The following SOS1 variants were observed in gnomAD, a reference collection of about 807,000 sequenced individuals.
The protein encoded by SOS1 is SOS Ras/Rac guanine nucleotide exchange factor 1.
In SOS1, 25 loss-of-function variants were observed where a neutral mutation model predicts 157.6. That is an observed-to-expected ratio of 0.16 (90% CI 0.12 to 0.22). SOS1 has a LOEUF of 0.22. SOS1 is among the 10% of genes least tolerant of loss of function. SOS1 has a pLI of 1.00. For synonymous variants in SOS1, 528 were observed against 534.0 expected (o/e 0.99, Z 0.16); for missense variants, 1,237 against 1,599.1 (o/e 0.77, Z 3.86).
intron 1 of SOS1, among the ~76,000 whole-genome samples, chr2:39,082,030 A>G (rs1241242233): frequency 1.3e-5 from 2 of 152,164 alleles, no homozygotes; most frequent in African/African-American, 2.4e-5. Context: ...CCATTCCCTC[A>G]AGCATTTACC....
At chr2:39,016,453 G>T (rs1669633848) in intron 10 of SOS1, among the ~76,000 whole-genome samples, 1 of 152,064 alleles carries the variant, frequency 6.6e-6, no homozygotes, top group Non-Finnish European at 1.5e-5. Flanking sequence ...CAGAAGAAAA[G>T]ATATTAAAAC....
At chr2:39,037,463 T>G (rs146352624) in intron 6 of SOS1, among the ~76,000 whole-genome samples, 1 of 152,360 alleles carries the variant, frequency 6.6e-6, no homozygotes, top group Middle Eastern at 3.4e-3. Context: ...TTCTACTGTA[T>G]GAATATATCA....
chr2:39,067,168 G>A (rs889347709), intron 2 of SOS1, among the ~76,000 whole-genome samples: 5 of 151,984 alleles, frequency 3.3e-5, no homozygotes, highest in Admixed American at 3.3e-4. Context: ...ATGCCACCAT[G>A]CCTAGCTAGT....
At chr2:39,023,356 A>G in intron 9 of SOS1, 131 bp from the exon 10 acceptor site, 1 of 623,332 alleles carries the variant, frequency 1.6e-6, no homozygotes, top group Non-Finnish European at 2.6e-6. Context: ...CCCCAAATAG[A>G]TTAGAATTAC....
intron 1 of SOS1, among the ~76,000 whole-genome samples, chr2:39,102,904 G>A (rs1055044967): frequency 6.6e-6 from 1 of 152,070 alleles, no homozygotes; most frequent in African/African-American, 2.4e-5. Context: ...ACAGTTAGCT[G>A]TGATCACGCC....
intron 2 of SOS1, among the ~76,000 whole-genome samples, chr2:39,066,913 G>T (rs59480458): frequency 6.6e-6 from 1 of 152,114 alleles, no homozygotes; most frequent in Non-Finnish European, 1.5e-5. Context: ...CTATCATCAA[G>T]AAATTGTTCG....
At chr2:39,099,432 T>A (rs577409773) in intron 1 of SOS1, among the ~76,000 whole-genome samples, 1 of 152,324 alleles carries the variant, frequency 6.6e-6, no homozygotes, top group South Asian at 2.1e-4. Flanking sequence ...AATGGTTACC[T>A]GGGGCTGGAG....
rs1670327567 is a variant in SOS1 at position 39,035,949 on chromosome 2, C to A, written c.865-449G>T. Among the ~76,000 whole-genome samples, 3 of 152,136 alleles carry A rather than the reference C, an allele frequency of 2.0e-5. No individual in the cohort carries two copies. In the South Asian group the frequency reaches 6.2e-4, roughly 32 times the overall value. On this transcript the variant is annotated intron_variant, in intron 6 of 22. Transcript: ENST00000402219. Reference sequence around the variant, plus strand: ...TTCGTATTCTATAAACCAGAAGTAACAGTTCATGTCATCTAAAATTCATTG... The same window carrying A: ...TTCGTATTCTATAAACCAGAAGTAAAAGTTCATGTCATCTAAAATTCATTG...
chr2:39,077,932 TGAA>T (rs1572875866), intron 1 of SOS1, among the ~76,000 whole-genome samples: 1 of 152,130 alleles, frequency 6.6e-6, no homozygotes, highest in African/African-American at 2.4e-5. Flanking sequence ...AAGTATAAAA[TGAA>T]GAAAAATTCT....
At chr2:39,062,873 AG>A (rs1480091575) in intron 2 of SOS1, among the ~76,000 whole-genome samples, 2 of 152,192 alleles carry the variant, frequency 1.3e-5, no homozygotes, top group East Asian at 3.9e-4. Context: ...TTATTATAAA[AG>A]AGGGAAAGAA....
rs1364080304 is a variant in SOS1 at position 39,007,018 on chromosome 2, T to C, written c.2673+13A>G. ...AATGAAAGTTCATTTTAAAAACACA[T>C]GTAGAAACCTACCTCAAATGTGTGG... On this transcript the variant is annotated intron_variant, in intron 16 of 22. Transcript: ENST00000402219. 1 of 1,584,958 alleles carries C rather than the reference T, an allele frequency of 6.3e-7. No homozygotes were observed. The highest frequency in any genetic ancestry group is 8.7e-7 in the Non-Finnish European group (1 of 1,153,934).
At chr2:39,059,987 A>C (rs1164293099) in intron 2 of SOS1, among the ~76,000 whole-genome samples, 1 of 152,238 alleles carries the variant, frequency 6.6e-6, no homozygotes, top group African/African-American at 2.4e-5. Flanking sequence ...AGCCTCATGC[A>C]GTAAAACGCA....
At chr2:39,057,816 G>A (rs1362595155) in intron 3 of SOS1, among the ~76,000 whole-genome samples, 2 of 152,016 alleles carry the variant, frequency 1.3e-5, no homozygotes, top group Non-Finnish European at 2.9e-5. Context: ...AGAACTGAAT[G>A]CAAAATACAA....
At position 39,120,494 on chromosome 2, in the gene SOS1, G is replaced by C; in HGVS notation, c.-72C>G. ...GGGCCAGGGAGCCGCGAGAGGGCGAGCTCGCAGCGCGGAACAGGGCCGCGG... is the reference window on the plus strand; with the variant it reads ...GGGCCAGGGAGCCGCGAGAGGGCGACCTCGCAGCGCGGAACAGGGCCGCGG... On this transcript the variant is annotated 5_prime_UTR_variant, in exon 1 of 23. Coordinates refer to ENST00000402219, the MANE Select transcript of SOS1 (RefSeq NM_005633.4). The C allele has an allele frequency of 7.2e-7, 1 of 1,382,622 alleles. No homozygotes were observed. Among genetic ancestry groups the C allele is most frequent in the East Asian group, 3.2e-5 (1 of 31,422 alleles). 85.6% of individuals were successfully genotyped at this position (1,382,622 alleles called of 1,614,324 possible). A position where few individuals can be genotyped will look rare whatever the true frequency, so the allele number is the denominator to read the frequency against.
chr2:39,120,246 G>A (rs1426740993), intron 1 of SOS1, 90 bp downstream of exon 1: 20 of 1,144,464 alleles, frequency 1.7e-5, no homozygotes, highest in Non-Finnish European at 2.2e-5. Flanking sequence ...GAAGAAAGAC[G>A]GCCCTGCGCG....
At chr2:39,086,498 G>A (rs1261785547) in intron 1 of SOS1, among the ~76,000 whole-genome samples, 2 of 152,130 alleles carry the variant, frequency 1.3e-5, no homozygotes, top group African/African-American at 4.8e-5. Flanking sequence ...TAACATATTA[G>A]ATATTGGTAA....
intron 8 of SOS1, among the ~76,000 whole-genome samples, chr2:39,034,223 G>T (rs956546179): frequency 3.3e-5 from 5 of 152,172 alleles, no homozygotes; most frequent in Non-Finnish European, 7.3e-5. Context: ...AAATCAAACT[G>T]AATTCCAAAT....
chr2:39,037,169 A>G (rs2124566432), intron 6 of SOS1, among the ~76,000 whole-genome samples: 1 of 152,360 alleles, frequency 6.6e-6, no homozygotes, highest in Admixed American at 6.5e-5. Flanking sequence ...CTATCATAAT[A>G]TAACACCAGA....
rs1467328208 is a variant in SOS1, at chr2:38,981,782, C to A, written c.*4042G>T. 6.6e-6 allele frequency: 1 copy of A among 152,108 alleles called. No individual in the cohort carries two copies. Among genetic ancestry groups the A allele is most frequent in the Non-Finnish European group, 1.5e-5 (1 of 68,012 alleles). 9.4% of individuals were successfully genotyped at this position (152,108 alleles called of 1,614,324 possible). On this transcript the variant is annotated 3_prime_UTR_variant, in exon 23 of 23. Coordinates refer to ENST00000402219, the MANE Select transcript of SOS1 (RefSeq NM_005633.4). ...AGCAATTTTTTGACAATTATTTTAG[C>A]AAATAACCGTGCTACTAAACAAAGG...
Sources: allele counts gnomAD v4.1 joint callset (sites outside exome capture counted in the v4.1 genomes callset), GRCh38; gene constraint gnomAD v4.1.1; transcripts MANE v1.5; gene names NCBI Gene and HGNC (gene_info 2026-07-23, HGNC 2026-07-21).